SOX5: variants seen among roughly 807,000 people sequenced by gnomAD.
SOX5 encodes the protein SRY-box transcription factor 5.
A neutral mutation model predicts 92.0 loss-of-function variants in SOX5; 9 were observed. That is an observed-to-expected ratio of 0.10 (90% CI 0.06 to 0.17). SOX5 has a LOEUF of 0.17. Among genes scored for constraint, SOX5 ranks in the 10% least tolerant of loss-of-function variants. The pLI is 1.00. For missense variants in SOX5, 642 were observed against 944.5 expected (o/e 0.68, Z 4.20); for synonymous variants, 344 against 336.3 (o/e 1.02, Z -0.25).
At position 23,892,013 on chromosome 12, in the gene SOX5, A is replaced by G. The variant is rs551884815; in HGVS notation, c.270+3780T>C. On this transcript the variant is annotated intron_variant, in intron 2 of 14. Coordinates refer to ENST00000451604, the MANE Select transcript of SOX5 (RefSeq NM_006940.6). ...CATGTAAACTTAGTCAATAATCGTA[A>G]GTTGAATATCTAGTATATGTTAGAT... Among the ~76,000 whole-genome samples the G allele has an allele frequency of 3.3e-5, 5 of 152,288 alleles. No individual in the cohort carries two copies. In the South Asian group the frequency reaches 1.0e-3, roughly 32 times the overall value.
At chr12:24,118,992 T>G (rs1301201671) in intron 4 of SOX5, among the ~76,000 whole-genome samples, 1 of 152,136 alleles carries the variant, frequency 6.6e-6, no homozygotes, top group East Asian at 1.9e-4. Flanking sequence ...TCTTTAGAAG[T>G]ATCCCTTAAC....
intron 1 of SOX5, among the ~76,000 whole-genome samples, chr12:24,478,467 T>C (rs193112159): frequency 2.0e-4 from 31 of 152,296 alleles, no homozygotes; most frequent in South Asian, 2.1e-4. Context: ...ATAAAAAGAA[T>C]TGTATTCTTT....
chr12:23,979,559 G>A (rs1333219877), intron 4 of SOX5, among the ~76,000 whole-genome samples: 2 of 151,388 alleles, frequency 1.3e-5, no homozygotes, highest in Non-Finnish European at 2.9e-5. Context: ...GTAGAACTGA[G>A]TAATTTTACT....
chr12:23,954,598 T>C (rs1946061080), upstream of SOX5, among the ~76,000 whole-genome samples: 1 of 152,034 alleles, frequency 6.6e-6, no homozygotes, highest in Non-Finnish European at 1.5e-5. Context: ...ATAGTGGACT[T>C]CTTCAAAAAA....
intron 6 of SOX5, among the ~76,000 whole-genome samples, chr12:23,682,302 T>G (rs1347657840): frequency 6.6e-6 from 1 of 151,858 alleles, no homozygotes; most frequent in Non-Finnish European, 1.5e-5. Flanking sequence ...ATGAACAATT[T>G]CATTTTCTGA....
intron 4 of SOX5, among the ~76,000 whole-genome samples, chr12:24,185,459 T>C (rs922107371): frequency 1.3e-5 from 2 of 152,190 alleles, no homozygotes; most frequent in African/African-American, 4.8e-5. Flanking sequence ...TCTAATTTTA[T>C]GTTTGTCCGT....
chr12:24,149,125 A>G (rs942707988), intron 4 of SOX5, among the ~76,000 whole-genome samples: 1 of 152,162 alleles, frequency 6.6e-6, no homozygotes, highest in African/African-American at 2.4e-5. Context: ...AAACTAAAAA[A>G]GTTCTAGAAG....
At chr12:23,894,109 A>T (rs761445394) in intron 2 of SOX5, among the ~76,000 whole-genome samples, 1 of 152,204 alleles carries the variant, frequency 6.6e-6, no homozygotes, top group Non-Finnish European at 1.5e-5. Context: ...GTAAAACAGA[A>T]TTAATAATAA....
intron 4 of SOX5, among the ~76,000 whole-genome samples, chr12:23,974,017 T>C (rs1236423638): frequency 6.6e-6 from 1 of 152,064 alleles, no homozygotes; most frequent in East Asian, 1.9e-4. Context: ...ACTGTTGCTG[T>C]ATATGCTGTT....
rs549277581 is a variant in SOX5 at position 23,726,020 on chromosome 12, C to T, written c.810+8664G>A. 2.6e-5 allele frequency among the ~76,000 whole-genome samples: 4 copies of T among 152,198 alleles called. No homozygotes were observed. In the South Asian group the frequency reaches 6.2e-4, roughly 24 times the overall value. On this transcript the variant is annotated intron_variant, in intron 6 of 14. Transcript: ENST00000451604. ...AACTAGGGATAAGCCTAGTGGCACA[C>T]AGGTGTCCTTAATTCCCTACTCATC... is the stretch of plus-strand genomic sequence containing the variant.
At chr12:23,765,661 G>A (rs1185355148) in intron 3 of SOX5, among the ~76,000 whole-genome samples, 1 of 151,890 alleles carries the variant, frequency 6.6e-6, no homozygotes, top group African/African-American at 2.4e-5. Context: ...CTATATGAAA[G>A]GTATTATCTT....
intron 4 of SOX5, among the ~76,000 whole-genome samples, chr12:23,975,860 G>A (rs79618454): frequency 0.02 from 3,046 of 152,178 alleles, 37 homozygotes; most frequent in East Asian, 0.039. Flanking sequence ...ATTTAACCAG[G>A]CTTGCTACTT....
intron 4 of SOX5, among the ~76,000 whole-genome samples, chr12:24,144,305 G>C (rs146077808): frequency 6.6e-6 from 1 of 152,270 alleles, no homozygotes; most frequent in African/African-American, 2.4e-5. Context: ...TTGAAAGGAA[G>C]TCCTTTAAGC....
intron 3 of SOX5, among the ~76,000 whole-genome samples, chr12:23,757,040 G>A (rs985604129): frequency 2.6e-5 from 4 of 151,806 alleles, no homozygotes; most frequent in African/African-American, 9.7e-5. Context: ...GTAACAATAT[G>A]GAACACTTCT....
intron 6 of SOX5, among the ~76,000 whole-genome samples, chr12:23,714,831 T>C (rs1403909123): frequency 6.6e-6 from 1 of 152,242 alleles, no homozygotes; most frequent in African/African-American, 2.4e-5. Flanking sequence ...ATGTGCTGCT[T>C]GAATTTTAGT....
At chr12:23,940,501 A>C (rs1943418516) in intron 1 of SOX5, among the ~76,000 whole-genome samples, 1 of 151,196 alleles carries the variant, frequency 6.6e-6, no homozygotes, top group Non-Finnish European at 1.5e-5. Context: ...AGTTCAAAGT[A>C]ATGAAATTTT....
At chr12:23,765,489 A>G (rs2094697134) in intron 3 of SOX5, among the ~76,000 whole-genome samples, 1 of 151,874 alleles carries the variant, frequency 6.6e-6, no homozygotes, top group African/African-American at 2.4e-5. Flanking sequence ...ATCAGCAACA[A>G]TAAATAATTA....
At chr12:24,151,329 C>T (rs1175280130) in intron 4 of SOX5, among the ~76,000 whole-genome samples, 3 of 151,966 alleles carry the variant, frequency 2.0e-5, no homozygotes, top group South Asian at 2.1e-4. Context: ...GGTGTATGTA[C>T]ATAATGAATG....
chr12:24,353,841 A>T (rs1017687789), intron 2 of SOX5, among the ~76,000 whole-genome samples: 26 of 151,756 alleles, frequency 1.7e-4, no homozygotes, highest in African/African-American at 5.8e-4. Context: ...GGGTTTCACC[A>T]TGTTGGCCAG....
Sources: allele counts gnomAD v4.1 joint callset (sites outside exome capture counted in the v4.1 genomes callset), GRCh38; gene constraint gnomAD v4.1.1; transcripts MANE v1.5; gene names NCBI Gene and HGNC (gene_info 2026-07-23, HGNC 2026-07-21).